DIAPH3: variants seen among roughly 807,000 people sequenced by gnomAD.
DIAPH3 encodes the protein protein diaphanous homolog 3.
A neutral mutation model predicts 144.3 loss-of-function variants in DIAPH3; 117 were observed. That is an observed-to-expected ratio of 0.81 (90% confidence interval 0.70 to 0.95). The LOEUF is 0.95. Ranked by LOEUF, DIAPH3 falls within the 40% of genes least tolerant of loss-of-function variation. The pLI, the probability that DIAPH3 is intolerant of heterozygous loss-of-function variation, is 0.00. For synonymous variants in DIAPH3, 519 were observed against 488.9 expected, an observed-to-expected ratio of 1.06 and a Z score of -0.81; for missense variants, 1,421 against 1,412.7, an observed-to-expected ratio of 1.01 and a Z score of -0.09.
chr13:60,065,275 A>G (rs1439982176), intron 4 of DIAPH3, among the ~76,000 whole-genome samples: 3 of 122,572 alleles, frequency 2.4e-5, no homozygotes, highest in East Asian at 4.1e-4. Flanking sequence ...AAAAAAAAAA[A>G]GCAGCATCTG....
At chr13:59,983,635 GT>G in intron 13 of DIAPH3, 133 bp downstream of exon 13, 1 of 630,928 alleles carries the variant, frequency 1.6e-6, no homozygotes, top group South Asian at 1.9e-5. Context: ...TAATGTTTTT[GT>G]GCTATTATGA....
chr13:59,875,682 T>C (rs1216671110), intron 21 of DIAPH3, among the ~76,000 whole-genome samples: 1 of 152,202 alleles, frequency 6.6e-6, no homozygotes, highest in Non-Finnish European at 1.5e-5. Context: ...GCACATCACT[T>C]TGACCACCAA....
intron 27 of DIAPH3, among the ~76,000 whole-genome samples, chr13:59,728,388 A>G (rs182856783): frequency 4.3e-4 from 65 of 152,190 alleles, no homozygotes; most frequent in African/African-American, 1.3e-3. Context: ...TAATTAGGAA[A>G]AAGAACTAAT....
At chr13:60,013,158 C>A (rs1300796415) in intron 7 of DIAPH3, 2 of 985,318 alleles carry the variant, frequency 2.0e-6, no homozygotes, top group Non-Finnish European at 2.4e-6. Context: ...GGACCCACTC[C>A]GGACAATATG....
At chr13:59,961,427 G>T (rs2049751196) in intron 17 of DIAPH3, among the ~76,000 whole-genome samples, 1 of 152,160 alleles carries the variant, frequency 6.6e-6, no homozygotes. Flanking sequence ...CACTTCGCGT[G>T]TATATTACAC....
chr13:60,052,959 T>TAAAGAAAAAAAAAAAAAAAAAA (rs2056408865), intron 4 of DIAPH3, among the ~76,000 whole-genome samples: 1 of 40,660 alleles, frequency 2.5e-5, no homozygotes, highest in African/African-American at 1.5e-4. Flanking sequence ...GACTCCCTCT[T>TAAAGAAAAAAAAAAAAAAAAAA]AAAAAAAAAA....
At chr13:59,882,861 A>C (rs1276163393) in intron 20 of DIAPH3, among the ~76,000 whole-genome samples, 2 of 152,158 alleles carry the variant, frequency 1.3e-5, no homozygotes, top group Non-Finnish European at 2.9e-5. Context: ...AAAAAGGAAA[A>C]ATACATTGAT....
At chr13:60,058,913 G>T (rs992116414) in intron 4 of DIAPH3, among the ~76,000 whole-genome samples, 1 of 151,692 alleles carries the variant, frequency 6.6e-6, no homozygotes, top group Non-Finnish European at 1.5e-5. Context: ...TACCTTTTGG[G>T]TACAATGTAC....
At chr13:59,938,428 A>T (rs1006001469) in intron 17 of DIAPH3, among the ~76,000 whole-genome samples, 1 of 152,004 alleles carries the variant, frequency 6.6e-6, no homozygotes, top group South Asian at 2.1e-4. Flanking sequence ...GGGCAACAAA[A>T]TGAGTACTCA....
At chr13:60,069,875 G>A (rs987383579) in intron 4 of DIAPH3, among the ~76,000 whole-genome samples, 9 of 152,102 alleles carry the variant, frequency 5.9e-5, no homozygotes, top group African/African-American at 2.2e-4. Flanking sequence ...TTTGGTTACT[G>A]TAGCCTTGTA....
rs549052786 is a variant in DIAPH3, at chr13:59,988,409, A to G, written c.1361+2749T>C. ...TTTAAAATGAAAATGTTTTAAATTA[A>G]CAACACAAGCTATTTCATGTCATCT... On this transcript the variant is annotated intron_variant, in intron 12 of 27. Coordinates refer to ENST00000400324, the MANE Select transcript of DIAPH3 (RefSeq NM_001042517.2). Among the ~76,000 whole-genome samples the G allele has an allele frequency of 2.0e-5, 3 of 152,050 alleles. No individual in the cohort carries two copies. The South Asian group carries it at 6.2e-4, about 31-fold the overall frequency.
At chr13:60,050,077 C>G (rs1389556787) in intron 4 of DIAPH3, among the ~76,000 whole-genome samples, 1 of 152,102 alleles carries the variant, frequency 6.6e-6, no homozygotes, top group Non-Finnish European at 1.5e-5. Context: ...GCCAGTAGAT[C>G]TAGATACTCA....
intron 25 of DIAPH3, among the ~76,000 whole-genome samples, chr13:59,779,131 A>T (rs2139314219): frequency 1.3e-5 from 2 of 152,062 alleles, no homozygotes; most frequent in East Asian, 3.9e-4. Context: ...TGGAACCTCT[A>T]CCCCTGCTCT....
At chr13:59,844,444 C>A (rs113387690) in intron 22 of DIAPH3, among the ~76,000 whole-genome samples, 1 of 147,802 alleles carries the variant, frequency 6.8e-6, no homozygotes, top group Non-Finnish European at 1.5e-5. Context: ...GCAAAGCTTG[C>A]AGTGAGCTGA....
At chr13:59,935,572 T>C (rs1201468864) in intron 17 of DIAPH3, among the ~76,000 whole-genome samples, 1 of 152,132 alleles carries the variant, frequency 6.6e-6, no homozygotes, top group African/African-American at 2.4e-5. Context: ...AGTCAAAAAA[T>C]TTGGAATGTT....
intron 27 of DIAPH3, among the ~76,000 whole-genome samples, chr13:59,687,798 C>T (rs999754942): frequency 1.3e-5 from 2 of 152,080 alleles, no homozygotes; most frequent in Non-Finnish European, 2.9e-5. Context: ...AGGACAACCA[C>T]ATGCCATTAT....
In DIAPH3 at chr13:59,825,247, C is replaced by T. The variant is rs181973105; in HGVS notation, c.3027+7860G>A. ...GCTCCCCTTCCTGTGTCCATGTGTT[C>T]TCATTGTTCAATTCCCACCTACGAG... On this transcript the variant is annotated intron_variant, in intron 24 of 27. Coordinates refer to ENST00000400324, the MANE Select transcript of DIAPH3 (RefSeq NM_001042517.2). Among the ~76,000 whole-genome samples, 114 of 152,068 alleles carry T rather than the reference C, an allele frequency of 7.5e-4. 3 individuals carry two copies. In the East Asian group the frequency reaches 0.019, roughly 25 times the overall value.
chr13:59,826,379 C>A (rs2139674847), intron 24 of DIAPH3, among the ~76,000 whole-genome samples: 1 of 145,582 alleles, frequency 6.9e-6, no homozygotes, highest in South Asian at 2.3e-4. Flanking sequence ...CATTCTTATA[C>A]ACCAATAACA....
intron 25 of DIAPH3, 133 bp downstream of exon 25, chr13:59,810,655 T>C (rs1276928497): frequency 1.0e-6 from 1 of 981,746 alleles, no homozygotes; most frequent in Non-Finnish European, 1.5e-6. Flanking sequence ...AAAGAAAGAA[T>C]TGTTCTATGG....
Sources: allele counts gnomAD v4.1 joint callset (sites outside exome capture counted in the v4.1 genomes callset), GRCh38; gene constraint gnomAD v4.1.1; transcripts MANE v1.5; gene names NCBI Gene and HGNC (gene_info 2026-07-23, HGNC 2026-07-21).